WDFY1: variants seen among roughly 807,000 people sequenced by gnomAD.
WDFY1 encodes WD repeat and FYVE domain containing 1.
A neutral mutation model predicts 56.4 loss-of-function variants in WDFY1; 32 were observed. That is an observed-to-expected ratio of 0.57 (90% CI 0.43 to 0.76). The LOEUF (loss-of-function observed/expected upper bound fraction) is 0.76, where lower values mean the gene tolerates loss of function less well. Ranked by LOEUF, WDFY1 falls within the 30% of genes least tolerant of loss-of-function variation. WDFY1 has a pLI of 0.00. For synonymous variants in WDFY1, 192 were observed against 197.3 expected (o/e 0.97, Z 0.23); for missense variants, 480 against 545.7 (o/e 0.88, Z 1.20).
chr2:223,923,567 C>A (rs1237372049), intron 1 of WDFY1, among the ~76,000 whole-genome samples: 2 of 152,144 alleles, frequency 1.3e-5, no homozygotes, highest in Non-Finnish European at 2.9e-5. Context: ...CGAGACCATC[C>A]TGGCTAACAT....
intron 9 of WDFY1, among the ~76,000 whole-genome samples, chr2:223,882,980 C>T (rs558779221): frequency 6.6e-5 from 10 of 152,304 alleles, no homozygotes; most frequent in African/African-American, 1.7e-4. Context: ...CCTCCTGCCT[C>T]GGCCTCCCAA....
chr2:223,895,089 AC>A (rs1559165138), intron 7 of WDFY1, among the ~76,000 whole-genome samples: 1 of 152,246 alleles, frequency 6.6e-6, no homozygotes, highest in Admixed American at 6.5e-5. Context: ...GAATAAAAAA[AC>A]AAAGAACAAA....
chr2:223,901,116 A>C (rs1693500423), intron 5 of WDFY1, 67 bp downstream of exon 5: 2 of 1,512,172 alleles, frequency 1.3e-6, no homozygotes, highest in African/African-American at 2.8e-5. Context: ...ATTTGGGATG[A>C]GATTCAGAAC....
intron 10 of WDFY1, among the ~76,000 whole-genome samples, chr2:223,880,998 T>G (rs1574755590): frequency 1.3e-5 from 2 of 152,356 alleles, no homozygotes; most frequent in South Asian, 2.1e-4. Context: ...CCAGTCGTGA[T>G]GCACTAGCTT....
At chr2:223,897,690 A>C (rs1042177442) in intron 6 of WDFY1, among the ~76,000 whole-genome samples, 1 of 151,988 alleles carries the variant, frequency 6.6e-6, no homozygotes, top group African/African-American at 2.4e-5. Context: ...TCTAAATTTC[A>C]TGTTAAACTG....
intron 2 of WDFY1, among the ~76,000 whole-genome samples, chr2:223,916,815 C>CT (rs201460170): frequency 0.018 from 2,549 of 138,544 alleles, 42 homozygotes; most frequent in Middle Eastern, 0.076. Flanking sequence ...CCCAGGGCTG[C>CT]TTTTTTTTTT....
chr2:223,933,645 C>A (rs887214497), intron 1 of WDFY1, among the ~76,000 whole-genome samples: 2 of 151,710 alleles, frequency 1.3e-5, no homozygotes, highest in Admixed American at 6.6e-5. Context: ...CATACCAATA[C>A]CCTGTCTCTA....
chr2:223,930,274 C>T (rs988558335), intron 1 of WDFY1, among the ~76,000 whole-genome samples: 3 of 152,202 alleles, frequency 2.0e-5, no homozygotes, highest in African/African-American at 7.2e-5. Flanking sequence ...CATCCACGCT[C>T]CTTACAATCA....
intron 1 of WDFY1, among the ~76,000 whole-genome samples, chr2:223,925,627 C>T (rs1295099099): frequency 6.6e-6 from 1 of 152,186 alleles, no homozygotes; most frequent in Admixed American, 6.5e-5. Flanking sequence ...CAAAAGACTT[C>T]TCTGTAGCAT....
intron 1 of WDFY1, among the ~76,000 whole-genome samples, chr2:223,921,879 G>A (rs1018116486): frequency 2.6e-5 from 4 of 152,260 alleles, no homozygotes; most frequent in South Asian, 2.1e-4. Context: ...CCACAGTCTA[G>A]GTCCCATCTT....
At chr2:223,883,856 G>A (rs557048547) in intron 9 of WDFY1, among the ~76,000 whole-genome samples, 130 of 152,240 alleles carry the variant, frequency 8.5e-4, no homozygotes, top group African/African-American at 2.9e-3. Context: ...ATGTTAGCCA[G>A]GCTGGTCTCA....
chr2:223,924,746 C>A (rs1203269295), intron 1 of WDFY1, among the ~76,000 whole-genome samples: 1 of 152,090 alleles, frequency 6.6e-6, no homozygotes, highest in Non-Finnish European at 1.5e-5. Flanking sequence ...AAAATTGATT[C>A]TTTTTTATGC....
chr2:223,913,048 A>G (rs1257577495), intron 2 of WDFY1, among the ~76,000 whole-genome samples: 1 of 152,150 alleles, frequency 6.6e-6, no homozygotes, highest in Non-Finnish European at 1.5e-5. Flanking sequence ...AAAACAAAAC[A>G]AAACAAACAA....
In WDFY1 at chr2:223,875,395, A is replaced by C. The variant is rs1000938546; in HGVS notation, c.*3276T>G. On this transcript the variant is annotated 3_prime_UTR_variant, in exon 12 of 12. Transcript: ENST00000233055. ...TGTGTACATTTTCTCAAAAAAAAAAACCCACAAAAACAGAACCCACAAATA... is the reference window on the plus strand; with the variant it reads ...TGTGTACATTTTCTCAAAAAAAAAACCCCACAAAAACAGAACCCACAAATA... The C allele has an allele frequency of 9.3e-5, 14 of 151,054 alleles. No individual in the cohort carries two copies. Among genetic ancestry groups the C allele is most frequent in the African/African-American group, 3.4e-4 (14 of 41,034 alleles). The allele number at this position is 151,054 out of a possible 1,614,324, so 9.4% of individuals were successfully genotyped here. A position where few individuals can be genotyped will look rare whatever the true frequency, so the allele number is the denominator to read the frequency against.
intron 10 of WDFY1, among the ~76,000 whole-genome samples, chr2:223,880,497 C>T (rs1419331999): frequency 6.6e-6 from 1 of 151,548 alleles, no homozygotes; most frequent in African/African-American, 2.4e-5. Context: ...ATCCCAGCTA[C>T]TCGGGAGGCT....
intron 1 of WDFY1, among the ~76,000 whole-genome samples, chr2:223,932,922 G>A (rs1043035076): frequency 4.0e-5 from 6 of 150,418 alleles, no homozygotes; most frequent in East Asian, 1.9e-4. Flanking sequence ...ACATTAAGAC[G>A]TTTGCCTGAA....
chr2:223,897,375 TATATATATATA>T (rs1286987605), intron 6 of WDFY1, among the ~76,000 whole-genome samples: 257 of 19,302 alleles, frequency 0.013, 17 homozygotes, highest in African/African-American at 0.023. Context: ...TATATATATA[TATATATATATA>T]TATATTTTTT....
At position 223,876,091 on chromosome 2, in the gene WDFY1, G is replaced by A. The variant is rs1399080424; in HGVS notation, c.*2580C>T. 6.6e-6 allele frequency: 1 copy of A among 152,358 alleles called. No individual in the cohort carries two copies. The highest frequency in any genetic ancestry group is 2.4e-5 in the African/African-American group (1 of 41,412). The allele number at this position is 152,358 out of a possible 1,614,324, so 9.4% of individuals were successfully genotyped here. A position where few individuals can be genotyped will look rare whatever the true frequency, so the allele number is the denominator to read the frequency against. On this transcript the variant is annotated 3_prime_UTR_variant, in exon 12 of 12. Coordinates refer to ENST00000233055, the MANE Select transcript of WDFY1 (RefSeq NM_020830.5). ...TTCTACCTAATGCTATAGGGGTATT[G>A]CTATCATTTGAACTAAGAAAGAACA...
chr2:223,900,890 T>A (rs1312720703), intron 5 of WDFY1: 2 of 232,908 alleles, frequency 8.6e-6, no homozygotes, highest in Admixed American at 1.1e-4. Flanking sequence ...ATTAAAAACC[T>A]ATAGCACCTC....
Sources: gnomAD v4.1 joint callset for allele counts (sites outside exome capture counted in the v4.1 genomes callset) on GRCh38, gnomAD v4.1.1 for gene constraint, MANE v1.5 for transcripts, NCBI Gene and HGNC (gene_info 2026-07-23, HGNC 2026-07-21) for gene names.